The following WIPF2 variants were observed in gnomAD, a reference collection of about 807,000 sequenced individuals.
WIPF2 encodes WAS/WASL interacting protein family member 2, also known as WAS/WASL-interacting protein family member 2.
In WIPF2, 23 loss-of-function variants were observed where a neutral mutation model predicts 38.8. The ratio of observed to expected loss-of-function variants is 0.59; its 90% confidence interval spans 0.43 to 0.84. The LOEUF is 0.84. Among genes scored for constraint, WIPF2 ranks in the 40% least tolerant of loss-of-function variants. The probability of loss-of-function intolerance (pLI) is 0.00; values close to 1 mark genes in which losing one functional copy is unlikely to be tolerated. For missense variants in WIPF2, 574 were observed against 580.5 expected (o/e 0.99, Z 0.11); for synonymous variants, 210 against 223.2 (o/e 0.94, Z 0.53).
chr17:40,234,260 G>A (rs1005751197), intron 1 of WIPF2, among the ~76,000 whole-genome samples: 4 of 150,526 alleles, frequency 2.7e-5, no homozygotes, highest in African/African-American at 7.3e-5. Flanking sequence ...CCAGCTACTC[G>A]GGAGGCGCAC....
Position 40,260,539 on chromosome 17 carries a change from A to G in WIPF2, c.68A>G (p.Asn23Ser). ...PPPPPTFHQA[N>S]TEQPKLSRDE... is the part of the protein sequence containing the mutation. ...TATATTTCTCTTATCCTCCAGGCAA[A>G]CACAGAGCAGCCCAAGCTGAGTAGA... is the stretch of plus-strand genomic sequence containing the variant. Residue 23 changes from asparagine to serine, a missense_variant, in exon 3 of 8, where the codon AAC (asparagine) becomes AGC (serine). Asn to Ser is a conservative substitution (Grantham distance 46). Coordinates refer to ENST00000323571, the MANE Select transcript of WIPF2 (RefSeq NM_133264.5). 6.2e-7 allele frequency: 1 copy of G among 1,613,840 alleles called. No individual in the cohort carries two copies.
Position 40,278,452 on chromosome 17 carries a change from T to C in WIPF2, c.*227T>C, listed in dbSNP as rs2032475451. ...AGTAGGATCTCAAACCCTGCATCCATCCTTCCTCCAGCAAGCCCTGCTAGC... is the reference window on the plus strand; with the variant it reads ...AGTAGGATCTCAAACCCTGCATCCACCCTTCCTCCAGCAAGCCCTGCTAGC... On this transcript the variant is annotated 3_prime_UTR_variant, in exon 8 of 8. Coordinates refer to ENST00000323571, the MANE Select transcript of WIPF2 (RefSeq NM_133264.5). 5.5e-6 allele frequency: 3 copies of C among 544,008 alleles called. No individual in the cohort carries two copies. The East Asian group carries it at 9.1e-5, about 16-fold the overall frequency. The allele number at this position is 544,008 out of a possible 1,614,324, so 33.7% of individuals were successfully genotyped here. A position where few individuals can be genotyped will look rare whatever the true frequency, so the allele number is the denominator to read the frequency against.
At position 40,223,721 on chromosome 17, in the gene WIPF2, T is replaced by G. The variant is rs531705291; in HGVS notation, c.-70+4229T>G. Among the ~76,000 whole-genome samples the G allele has an allele frequency of 4.7e-5, 7 of 150,396 alleles. 1 individual carries two copies. The highest frequency in any genetic ancestry group is 1.7e-4 in the African/African-American group (7 of 40,880). ...TTCAAGCGATTCTCCTGCCTCAGCC[T>G]CCTGAGTAGCTGGGTGCCATCACGC... is the stretch of plus-strand genomic sequence containing the variant. On this transcript the variant is annotated intron_variant, in intron 1 of 7. Coordinates refer to ENST00000323571, the MANE Select transcript of WIPF2 (RefSeq NM_133264.5).
intron 1 of WIPF2, among the ~76,000 whole-genome samples, chr17:40,240,131 A>G (rs1165977500): frequency 6.6e-6 from 1 of 150,904 alleles, no homozygotes; most frequent in Non-Finnish European, 1.5e-5. Flanking sequence ...GTGCAATCTC[A>G]GCTCACTGCA....
At chr17:40,224,448 C>G (rs2030395887) in intron 1 of WIPF2, among the ~76,000 whole-genome samples, 1 of 134,596 alleles carries the variant, frequency 7.4e-6, no homozygotes, top group Admixed American at 7.8e-5. Context: ...GGGGTTTCAA[C>G]TTGTTAGCGA....
At chr17:40,249,475 T>C (rs2031482650) in intron 1 of WIPF2, among the ~76,000 whole-genome samples, 1 of 151,232 alleles carries the variant, frequency 6.6e-6, no homozygotes, top group Admixed American at 6.6e-5. Flanking sequence ...TTGAGATGGC[T>C]CTTCGCTCTT....
rs561662200 is a variant in WIPF2 at position 40,224,591 on chromosome 17, T to C, written c.-70+5099T>C. On this transcript the variant is annotated intron_variant, in intron 1 of 7. Transcript: ENST00000323571. The stretch of plus-strand genomic sequence containing the variant: ...ATGATTTTCCATTTTTCCTATCCTG[T>C]CACAGTTTTCCGTTGCTCTGCTTGA... Among the ~76,000 whole-genome samples, 9 of 151,914 alleles carry C rather than the reference T, an allele frequency of 5.9e-5. No individual in the cohort carries two copies. The South Asian group carries it at 1.7e-3, about 28-fold the overall frequency.
chr17:40,265,228 A>G (rs1371220403), intron 5 of WIPF2, 82 bp downstream of exon 5: 1 of 1,461,108 alleles, frequency 6.8e-7, no homozygotes, highest in Non-Finnish European at 9.2e-7. Flanking sequence ...GAAGACAGTA[A>G]TTCGTTTATT....
At chr17:40,271,218 T>G (rs1798078862) in intron 5 of WIPF2, among the ~76,000 whole-genome samples, 1 of 152,200 alleles carries the variant, frequency 6.6e-6, no homozygotes, top group Non-Finnish European at 1.5e-5. Context: ...TCAAGCAATC[T>G]GCCTGCCTCA....
intron 2 of WIPF2, among the ~76,000 whole-genome samples, chr17:40,259,365 G>A (rs1386181354): frequency 6.6e-6 from 1 of 151,492 alleles, no homozygotes; most frequent in Non-Finnish European, 1.5e-5. Context: ...AACCCAGGAG[G>A]TGGAGCTTGC....
intron 1 of WIPF2, among the ~76,000 whole-genome samples, chr17:40,231,748 G>A (rs1018490949): frequency 1.3e-5 from 2 of 151,474 alleles, no homozygotes; most frequent in Non-Finnish European, 2.9e-5. Context: ...TATATGGAGC[G>A]TGCAGATGAA....
chr17:40,258,960 T>A (rs898017784), intron 2 of WIPF2, among the ~76,000 whole-genome samples: 6 of 145,396 alleles, frequency 4.1e-5, no homozygotes, highest in Non-Finnish European at 9.0e-5. Context: ...TAAAAAAAAA[T>A]TTTTTAGGCC....
intron 1 of WIPF2, among the ~76,000 whole-genome samples, chr17:40,245,948 A>G (rs895054924): frequency 5.9e-5 from 9 of 152,176 alleles, no homozygotes; most frequent in African/African-American, 1.7e-4. Context: ...AGCATTGAAC[A>G]ACACGTATAG....
rs1410066658 is a variant in WIPF2, at chr17:40,282,007, C to T, written c.*3782C>T. ...GCTTTCTGTTAAGCTACCCTAATTTCGGGAATGGGAGGGGAGAGAGGAGGG... is the reference window on the plus strand; with the variant it reads ...GCTTTCTGTTAAGCTACCCTAATTTTGGGAATGGGAGGGGAGAGAGGAGGG... On this transcript the variant is annotated 3_prime_UTR_variant, in exon 8 of 8. Coordinates refer to ENST00000323571, the MANE Select transcript of WIPF2 (RefSeq NM_133264.5). 1.4e-5 allele frequency: 2 copies of T among 148,034 alleles called. No individual in the cohort carries two copies. Among genetic ancestry groups the T allele is most frequent in the Admixed American group, 1.4e-4 (2 of 14,502 alleles). 9.2% of individuals were successfully genotyped at this position (148,034 alleles called of 1,614,324 possible).
intron 1 of WIPF2, among the ~76,000 whole-genome samples, chr17:40,222,252 C>T (rs2030265640): frequency 6.6e-6 from 1 of 151,710 alleles, no homozygotes; most frequent in Admixed American, 6.6e-5. Flanking sequence ...CAGGGTTTCA[C>T]CGTATTGGCC....
intron 1 of WIPF2, among the ~76,000 whole-genome samples, chr17:40,250,914 C>CTTTTT (rs1020649049): frequency 1.9e-4 from 17 of 90,334 alleles, no homozygotes; most frequent in East Asian, 3.5e-4. Context: ...CTATTAGATT[C>CTTTTT]TTTTTTTTTT....
chr17:40,262,258 A>G (rs951162474), intron 3 of WIPF2, among the ~76,000 whole-genome samples: 2 of 150,798 alleles, frequency 1.3e-5, no homozygotes, highest in Non-Finnish European at 1.5e-5. Flanking sequence ...AATTTTTGAA[A>G]TTTTTTGTAG....
intron 1 of WIPF2, among the ~76,000 whole-genome samples, chr17:40,235,347 A>G (rs1216397075): frequency 6.6e-6 from 1 of 152,220 alleles, no homozygotes; most frequent in Non-Finnish European, 1.5e-5. Flanking sequence ...CAGTATAATG[A>G]CTGTATCATT....
In WIPF2 at chr17:40,262,541, T is replaced by C. The variant is rs746865748; in HGVS notation, c.213T>C (p.Ser71=). The change falls in exon 4 of 8, where the codon AGT becomes AGC. Residue 71 remains serine, a synonymous_variant. Transcript: ENST00000323571. ...APILEKPKGS[S]GGYGSGGAAL... ...GCTTTCCAGAGCCGAAAGGAAGCAG[T>C]GGTGGCTATGGCTCTGGAGGAGCTG... The C allele has an allele frequency of 6.2e-7, 1 of 1,613,842 alleles. No individual in the cohort carries two copies. Among genetic ancestry groups the C allele is most frequent in the Non-Finnish European group, 8.5e-7 (1 of 1,179,862 alleles).
Sources: gnomAD v4.1 joint callset for allele counts (sites outside exome capture counted in the v4.1 genomes callset) on GRCh38, gnomAD v4.1.1 for gene constraint, MANE v1.5 for transcripts, NCBI Gene and HGNC (gene_info 2026-07-23, HGNC 2026-07-21) for gene names.